Variants in MPST observed in about 807,000 individuals in gnomAD.
The protein encoded by MPST is mercaptopyruvate sulfurtransferase, also known as 3-mercaptopyruvate sulfurtransferase.
In MPST, 27 loss-of-function variants were observed where a neutral mutation model predicts 28.5. The observed-to-expected ratio is 0.95, with a 90% CI of 0.70 to 1.31. The LOEUF (loss-of-function observed/expected upper bound fraction) is 1.31, where lower values mean the gene tolerates loss of function less well. Ranked by LOEUF, MPST falls within the 50% of genes most tolerant of loss-of-function variation. The pLI, the probability that MPST is intolerant of heterozygous loss-of-function variation, is 0.00. For missense variants in MPST, 492 were observed against 471.1 expected (o/e 1.04, Z -0.41); for synonymous variants, 204 against 209.3 (o/e 0.97, Z 0.22).
At chr22:37,025,219 C>T in intron 2 of MPST, 1 of 1,176,250 alleles carries the variant, frequency 8.5e-7, no homozygotes, top group South Asian at 1.5e-5. Flanking sequence ...GTGCTTTGGG[C>T]AGTGACTCTC....
chr22:37,020,015 C>T (rs1922943966), intron 1 of MPST, 143 bp downstream of exon 1: 1 of 422,376 alleles, frequency 2.4e-6, no homozygotes, highest in South Asian at 1.2e-4. Context: ...TACGTTGGCA[C>T]TAAGGGTGAC....
intron 1 of MPST, among the ~76,000 whole-genome samples, chr22:37,022,357 A>G (rs1392047471): frequency 6.6e-6 from 1 of 152,042 alleles, no homozygotes; most frequent in African/African-American, 2.4e-5. Context: ...ATTCTAAACT[A>G]TCCTCAATTT....
intron 2 of MPST, chr22:37,025,896 C>T (rs1923490552): frequency 6.6e-6 from 1 of 152,238 alleles, no homozygotes; most frequent in African/African-American, 2.4e-5. Flanking sequence ...GGCCTGAGGG[C>T]AAGGACTGTC....
rs748950839 is a variant in MPST, at chr22:37,029,499, G to A, written c.939G>A (p.Arg313=). The change falls in exon 3 of 3, where the codon CGG becomes CGA. Residue 313 remains arginine (R), a synonymous_variant. Coordinates refer to ENST00000429360, the MANE Select transcript of MPST (RefSeq NM_021126.8). ...ARPEDVISEG[R]GKTH is the part of the protein sequence containing the mutation. ...CCGAGGATGTCATCTCAGAGGGCCG[G>A]GGGAAGACCCACTGAAGCTGGGCAG... 4 of 1,603,810 alleles carry A rather than the reference G, an allele frequency of 2.5e-6. No homozygotes were observed. In the South Asian group the frequency reaches 4.4e-5, roughly 18 times the overall value.
Position 37,024,795 on chromosome 22 carries a change from C to G in MPST, c.640C>G (p.Pro214Ala). The G allele has an allele frequency of 6.2e-7, 1 of 1,602,942 alleles. No individual in the cohort carries two copies. Among genetic ancestry groups the G allele is most frequent in the Non-Finnish European group, 8.5e-7 (1 of 1,179,452 alleles). The change falls in exon 2 of 3, where the codon CCC becomes GCC. Residue 214 changes from proline (P) to alanine (A), a missense_variant. Transcript: ENST00000429360. ...CACTGGCAGGTTCCGCGGCACCGAG[C>G]CCGAGCCCCGAGACGGTAACGCGGG... ...RATGRFRGTE[P>A]EPRDGIEPGH...
chr22:37,026,100 G>A (rs1923505805), intron 2 of MPST: 1 of 152,208 alleles, frequency 6.6e-6, no homozygotes, highest in Non-Finnish European at 1.5e-5. Context: ...ATGTGGTTCA[G>A]CCTAATGAGA....
intron 1 of MPST, among the ~76,000 whole-genome samples, chr22:37,020,918 C>T (rs1277844229): frequency 6.6e-6 from 1 of 152,160 alleles, no homozygotes; most frequent in Non-Finnish European, 1.5e-5. Flanking sequence ...CTCAGCCTCC[C>T]AAAGTGCTGA....
At chr22:37,025,026 G>C in intron 2 of MPST, 1 of 1,486,922 alleles carries the variant, frequency 6.7e-7, no homozygotes, top group Non-Finnish European at 9.1e-7. Context: ...GCCCAGGCTG[G>C]AGTGCAGTGG....
rs752863290 is a variant in MPST at position 37,029,412 on chromosome 22, C to T, written c.852C>T (p.Cys284=). The T allele has an allele frequency of 5.5e-5, 88 of 1,613,796 alleles. No homozygotes were observed. Among genetic ancestry groups the T allele is most frequent in the Non-Finnish European group, 7.0e-5 (83 of 1,180,038 alleles). Residue 284 remains cysteine (C), a synonymous_variant, in exon 3 of 3, where the codon TGC becomes TGT. Transcript: ENST00000429360. ...ACGTGGCACTAGGGGCCTACCTCTG[C>T]GGCAAGCCAGACGTGCCCATCTACG... The part of the protein sequence containing the change: ...ACHVALGAYL[C]GKPDVPIYDG...
chr22:37,029,395 C>T lies in MPST; in HGVS notation c.835C>T (p.Leu279=), dbSNP rs907918226. ...TGGCGTCACAGCCTGCCACGTGGCA[C>T]TAGGGGCCTACCTCTGCGGCAAGCC... ...GSGVTACHVA[L]GAYLCGKPDV... Residue 279 remains leucine (L), a synonymous_variant, in exon 3 of 3, where the codon CTA becomes TTA. Transcript: ENST00000429360. 1.2e-6 allele frequency: 2 copies of T among 1,613,806 alleles called. No homozygotes were observed. Among genetic ancestry groups the T allele is most frequent in the Non-Finnish European group, 1.7e-6 (2 of 1,180,050 alleles).
At chr22:37,029,188 T>C (rs1289004238) in intron 2 of MPST, 28 bp from the exon 3 acceptor site, 1 of 1,600,348 alleles carries the variant, frequency 6.2e-7, no homozygotes, top group Admixed American at 1.7e-5. Flanking sequence ...CTTCTATTTG[T>C]CCCCTCCTCC....
chr22:37,025,039 C>T (rs1171628131), intron 2 of MPST: 1 of 1,501,204 alleles, frequency 6.7e-7, no homozygotes, highest in Non-Finnish European at 9.0e-7. Context: ...TGCAGTGGCA[C>T]AATCATGGCT....
chr22:37,023,011 A>T (rs1423063928), intron 1 of MPST: 1 of 152,688 alleles, frequency 6.5e-6, no homozygotes, highest in Non-Finnish European at 1.5e-5. Flanking sequence ...GGCCTGGCAT[A>T]GTGGGCTGGC....
chr22:37,023,854 CCT>C (rs1223450976), intron 1 of MPST: 8 of 1,409,324 alleles, frequency 5.7e-6, no homozygotes, highest in Non-Finnish European at 6.6e-6. Flanking sequence ...AGACTTTGCC[CCT>C]GTTTGTGCCT....
Position 37,024,741 on chromosome 22 carries a change from C to T in MPST, c.586C>T (p.Arg196Trp), listed in dbSNP as rs932936638. Reference protein sequence around the residue: ...YEDIKENLESRRFQVVDSRAT... With the variant: ...YEDIKENLESWRFQVVDSRAT... The stretch of plus-strand genomic sequence containing the variant: ...GGACATCAAGGAGAACCTGGAATCC[C>T]GGCGCTTCCAGGTGGTGGACTCCCG... Residue 196 changes from arginine to tryptophan, a missense_variant, in exon 2 of 3, where the codon CGG (arginine) becomes TGG (tryptophan). Coordinates refer to ENST00000429360, the MANE Select transcript of MPST (RefSeq NM_021126.8). 2 of 1,600,962 alleles carry T rather than the reference C, an allele frequency of 1.2e-6. No homozygotes were observed. The highest frequency in any genetic ancestry group is 1.7e-5 in the Admixed American group (1 of 59,984).
At chr22:37,022,033 G>A (rs1173151709) in intron 1 of MPST, among the ~76,000 whole-genome samples, 1 of 152,122 alleles carries the variant, frequency 6.6e-6, no homozygotes, top group Non-Finnish European at 1.5e-5. Flanking sequence ...AGGGAAACAA[G>A]GATCCTCAAG....
rs369262124 is a variant in MPST at position 37,024,683 on chromosome 22, T to C, written c.528T>C (p.Ala176=). 2 of 1,599,396 alleles carry C rather than the reference T, an allele frequency of 1.3e-6. No individual in the cohort carries two copies. The change falls in exon 2 of 3, where the codon GCT becomes GCC. Residue 176 remains alanine, a synonymous_variant. Coordinates refer to ENST00000429360, the MANE Select transcript of MPST (RefSeq NM_021126.8). ...KSQPAPAEFR[A]QLDPAFIKTY... is the part of the protein sequence containing the mutation. ...AACCTGCTCCCGCCGAGTTCCGCGC[T>C]CAGCTCGACCCCGCCTTCATCAAGA...
intron 1 of MPST, among the ~76,000 whole-genome samples, chr22:37,021,474 A>T (rs1332807202): frequency 6.6e-6 from 1 of 151,948 alleles, no homozygotes; most frequent in Admixed American, 6.6e-5. Flanking sequence ...CAATATTATT[A>T]TTATTATTAT....
rs768650584 is a variant in MPST, at chr22:37,024,766, G to T, written c.611G>T (p.Arg204Leu). 40 of 1,602,474 alleles carry T rather than the reference G, an allele frequency of 2.5e-5. No individual in the cohort carries two copies. Among genetic ancestry groups the T allele is most frequent in the Non-Finnish European group, 3.1e-5 (36 of 1,179,722 alleles). ...ESRRFQVVDS[R>L]ATGRFRGTEP... Reference sequence around the variant, plus strand: ...CGGCGCTTCCAGGTGGTGGACTCCCGAGCCACTGGCAGGTTCCGCGGCACC... The same window carrying T: ...CGGCGCTTCCAGGTGGTGGACTCCCTAGCCACTGGCAGGTTCCGCGGCACC... The change falls in exon 2 of 3, where the codon CGA (arginine) becomes CTA (leucine). Residue 204 changes from arginine to leucine, a missense_variant. Coordinates refer to ENST00000429360, the MANE Select transcript of MPST (RefSeq NM_021126.8).
Sources: gnomAD v4.1 joint callset for allele counts (sites outside exome capture counted in the v4.1 genomes callset) on GRCh38, gnomAD v4.1.1 for gene constraint, MANE v1.5 for transcripts, NCBI Gene and HGNC (gene_info 2026-07-23, HGNC 2026-07-21) for gene names.